Variants in TENM2 observed in about 807,000 individuals in gnomAD.
TENM2 encodes teneurin-2.
Under a neutral mutation model 245.2 loss-of-function variants are expected in TENM2, and 52 were observed. The ratio of observed to expected loss-of-function variants is 0.21; its 90% CI spans 0.17 to 0.27. The LOEUF (loss-of-function observed/expected upper bound fraction) is 0.27. Ranked by LOEUF, TENM2 falls within the 10% of genes least tolerant of loss-of-function variation. TENM2 has a pLI of 1.00. For missense variants in TENM2, 3,046 were observed against 3,666.8 expected (o/e 0.83, Z 4.37); for synonymous variants, 1,363 against 1,438.9 (o/e 0.95, Z 1.19).
At chr5:167,649,372 C>A (rs1780184693) in intron 2 of TENM2, among the ~76,000 whole-genome samples, 1 of 152,158 alleles carries the variant, frequency 6.6e-6, no homozygotes. Flanking sequence ...ACTCAGCATT[C>A]TTTTCTCTTC....
At chr5:167,887,428 C>G (rs1248709589) in intron 3 of TENM2, among the ~76,000 whole-genome samples, 1 of 152,194 alleles carries the variant, frequency 6.6e-6, no homozygotes, top group East Asian at 1.9e-4. Context: ...CCCACCCAGT[C>G]CTTCAGATTT....
the TENM2 span, among the ~76,000 whole-genome samples, chr5:167,242,846 C>G: frequency 6.6e-6 from 1 of 152,132 alleles, no homozygotes; most frequent in Non-Finnish European, 1.5e-5. Context: ...GGGTCAGGGC[C>G]TCTAACTCCC....
intron 1 of TENM2, among the ~76,000 whole-genome samples, chr5:167,368,191 A>G (rs1267861097): frequency 1.3e-5 from 2 of 152,156 alleles, no homozygotes; most frequent in Non-Finnish European, 1.5e-5. Flanking sequence ...TATCAAAACT[A>G]TATTTCAGTT....
intron 2 of TENM2, among the ~76,000 whole-genome samples, chr5:167,746,052 GC>G (rs1171306538): frequency 1.3e-5 from 2 of 152,068 alleles, no homozygotes; most frequent in African/African-American, 4.8e-5. Context: ...ATTATTTCCA[GC>G]CTTTGCAAAA....
intron 2 of TENM2, among the ~76,000 whole-genome samples, chr5:167,580,300 T>C (rs921359452): frequency 6.6e-6 from 1 of 152,244 alleles, no homozygotes; most frequent in Admixed American, 6.5e-5. Flanking sequence ...AAAAATCTGG[T>C]TTTTGTAACT....
chr5:167,892,456 A>G (rs1261860165), intron 3 of TENM2, among the ~76,000 whole-genome samples: 2 of 152,228 alleles, frequency 1.3e-5, no homozygotes, highest in African/African-American at 4.8e-5. Context: ...TGGGTGGAGA[A>G]CCAAAAATGT....
chr5:167,704,432 A>G (rs1468232951), intron 2 of TENM2, among the ~76,000 whole-genome samples: 2 of 152,182 alleles, frequency 1.3e-5, no homozygotes, highest in African/African-American at 4.8e-5. Context: ...AACGCGTAAG[A>G]CCAAAATCAG....
chr5:167,604,669 TA>T (rs1425852621), intron 2 of TENM2, among the ~76,000 whole-genome samples: 1 of 152,212 alleles, frequency 6.6e-6, no homozygotes, highest in African/African-American at 2.4e-5. Context: ...GTCATCAGGA[TA>T]GAAATGAGAC....
chr5:166,991,325 A>G, the TENM2 span, among the ~76,000 whole-genome samples: 2,523 of 152,136 alleles, frequency 0.017, 73 homozygotes, highest in African/African-American at 0.058. Flanking sequence ...ATAAGAACAT[A>G]TACCAGTACA....
intron 2 of TENM2, among the ~76,000 whole-genome samples, chr5:167,697,394 G>A (rs900624108): frequency 6.6e-6 from 1 of 152,080 alleles, no homozygotes; most frequent in African/African-American, 2.4e-5. Context: ...TGCATCCTGT[G>A]TTCATTAGTT....
At chr5:167,032,976 CA>C in the TENM2 span, among the ~76,000 whole-genome samples, 7 of 151,934 alleles carry the variant, frequency 4.6e-5, no homozygotes, top group African/African-American at 1.7e-4. Flanking sequence ...TTTTTCAGCT[CA>C]AAAATTAAGG....
chr5:167,556,054 G>A (rs899667494), intron 2 of TENM2, among the ~76,000 whole-genome samples: 6 of 152,110 alleles, frequency 3.9e-5, no homozygotes, highest in African/African-American at 1.4e-4. Context: ...CTATGAACAT[G>A]TTAAATATTT....
chr5:167,337,550 G>A (rs1757853189), intron 1 of TENM2, among the ~76,000 whole-genome samples: 1 of 152,154 alleles, frequency 6.6e-6, no homozygotes, highest in African/African-American at 2.4e-5. Context: ...GAATGTAAAG[G>A]GGGAAATAAT....
chr5:167,967,998 C>T (rs1781504192), intron 4 of TENM2, among the ~76,000 whole-genome samples: 1 of 152,128 alleles, frequency 6.6e-6, no homozygotes, highest in Non-Finnish European at 1.5e-5. Flanking sequence ...TCCTACCAGG[C>T]AGGGGAAGTA....
chr5:167,244,358 C>G, the TENM2 span, among the ~76,000 whole-genome samples: 1 of 152,104 alleles, frequency 6.6e-6, no homozygotes, highest in Non-Finnish European at 1.5e-5. Flanking sequence ...CACGTGTTAA[C>G]CTAACTCCCA....
intron 28 of TENM2, among the ~76,000 whole-genome samples, chr5:168,261,573 C>A (rs1185346246): frequency 6.6e-6 from 1 of 152,212 alleles, no homozygotes. Context: ...ATATCCAAGT[C>A]ATTGGCCTCC....
At chr5:167,069,384 A>C in the TENM2 span, among the ~76,000 whole-genome samples, 2 of 152,208 alleles carry the variant, frequency 1.3e-5, no homozygotes, top group African/African-American at 4.8e-5. Flanking sequence ...AAATTAAAGA[A>C]TCTCCAAATC....
intron 2 of TENM2, among the ~76,000 whole-genome samples, chr5:167,753,643 T>G (rs1400324022): frequency 6.6e-6 from 1 of 152,206 alleles, no homozygotes; most frequent in Non-Finnish European, 1.5e-5. Flanking sequence ...GTAAGTCACT[T>G]GCCTAAAATC....
chr5:168,208,831 TA>T (rs1762574053), intron 19 of TENM2, among the ~76,000 whole-genome samples: 1 of 152,056 alleles, frequency 6.6e-6, no homozygotes, highest in African/African-American at 2.4e-5. Context: ...AAGAAAAAAC[TA>T]AAATTATAAA....
Sources: gnomAD v4.1 joint callset for allele counts (sites outside exome capture counted in the v4.1 genomes callset) on GRCh38, gnomAD v4.1.1 for gene constraint, MANE v1.5 for transcripts, NCBI Gene and HGNC (gene_info 2026-07-23, HGNC 2026-07-21) for gene names.